The following ARID3B variants were observed in gnomAD, a reference collection of about 807,000 sequenced individuals.
ARID3B encodes AT-rich interaction domain 3B.
Under a neutral mutation model 51.9 loss-of-function variants are expected in ARID3B, and 10 were observed. The ratio of observed to expected loss-of-function variants is 0.19; its 90% CI spans 0.12 to 0.33. ARID3B has a LOEUF of 0.33. Among genes scored for constraint, ARID3B ranks in the 10% least tolerant of loss-of-function variants. The pLI is 1.00. For synonymous variants in ARID3B, 205 were observed against 279.5 expected (o/e 0.73, Z 2.66); for missense variants, 483 against 716.3 (o/e 0.67, Z 3.72).
intron 4 of ARID3B, chr15:74,574,972 A>AT (rs2141467562): frequency 6.7e-6 from 1 of 149,882 alleles, no homozygotes; most frequent in African/African-American, 2.5e-5. Flanking sequence ...ACTGCCCTCC[A>AT]TCCTGGCGAC....
chr15:74,551,448 A>G (rs556321951), intron 2 of ARID3B, among the ~76,000 whole-genome samples: 23 of 152,326 alleles, frequency 1.5e-4, no homozygotes, highest in African/African-American at 5.3e-4. Flanking sequence ...TAAATACACA[A>G]TCACTGACTT....
Position 74,593,071 on chromosome 15 carries a change from A to G in ARID3B, c.1421-67A>G, listed in dbSNP as rs1209721613. ...CTTTGACCAGGGGTGGCCAGGCAGC[A>G]TCAGAGAGGACAACAGGAGTGCTGT... On this transcript the variant is annotated intron_variant, in intron 7 of 8. Transcript: ENST00000346246. 3.4e-6 allele frequency: 5 copies of G among 1,449,494 alleles called. No homozygotes were observed. The African/African-American group carries it at 5.6e-5, about 16-fold the overall frequency. The allele number at this position is 1,449,494 out of a possible 1,614,324, so 89.8% of individuals were successfully genotyped here. A position where few individuals can be genotyped will look rare whatever the true frequency, so the allele number is the denominator to read the frequency against.
chr15:74,573,252 G>A (rs2061725624), intron 4 of ARID3B, 48 bp downstream of exon 4: 1 of 1,575,202 alleles, frequency 6.3e-7, no homozygotes, highest in Non-Finnish European at 8.7e-7. Context: ...TACTGATAGA[G>A]TGCCTACTGT....
chr15:74,593,379 A>C, intron 8 of ARID3B, 143 bp downstream of exon 8: 6 of 711,610 alleles, frequency 8.4e-6, no homozygotes, highest in Non-Finnish European at 1.4e-5. Flanking sequence ...TGCAAAGGTC[A>C]AGTGGTCCTC....
chr15:74,595,819 G>A lies in ARID3B; in HGVS notation c.*45G>A. The A allele has an allele frequency of 3.8e-6, 6 of 1,562,754 alleles. No homozygotes were observed. Among genetic ancestry groups the A allele is most frequent in the Non-Finnish European group, 5.2e-6 (6 of 1,154,166 alleles). On this transcript the variant is annotated 3_prime_UTR_variant, in exon 9 of 9. Transcript: ENST00000346246. ...CACTTGCCACTCTCCTGTCGAGAGT[G>A]AAGGAAGTTGATGCACAGAATTTAC...
chr15:74,595,101 A>ATTGGTGCG (rs2061819237), intron 8 of ARID3B, among the ~76,000 whole-genome samples: 1 of 152,162 alleles, frequency 6.6e-6, no homozygotes. Context: ...GCTGGAGTGC[A>ATTGGTGCG]TTGGTGCGGT....
chr15:74,594,173 G>C (rs1407174951), intron 8 of ARID3B, among the ~76,000 whole-genome samples: 1 of 152,196 alleles, frequency 6.6e-6, no homozygotes, highest in Admixed American at 6.5e-5. Context: ...GCATTGCTGG[G>C]CGCGGTGGCT....
chr15:74,590,894 G>A (rs1463294132), intron 5 of ARID3B, among the ~76,000 whole-genome samples: 1 of 152,128 alleles, frequency 6.6e-6, no homozygotes, highest in Non-Finnish European at 1.5e-5. Flanking sequence ...ATGTGAAAAC[G>A]CCAACTAAGA....
intron 4 of ARID3B, among the ~76,000 whole-genome samples, chr15:74,585,430 C>T (rs1335085257): frequency 6.6e-6 from 1 of 152,222 alleles, no homozygotes; most frequent in Non-Finnish European, 1.5e-5. Context: ...GCCAGGGGCC[C>T]TTCACAGAGA....
At chr15:74,581,435 T>C (rs1271582306) in intron 4 of ARID3B, among the ~76,000 whole-genome samples, 2 of 152,266 alleles carry the variant, frequency 1.3e-5, no homozygotes, top group African/African-American at 4.8e-5. Context: ...ATAAATGGTC[T>C]GTGCCCTGGA....
chr15:74,583,254 G>A (rs2061768432), intron 4 of ARID3B, among the ~76,000 whole-genome samples: 1 of 152,084 alleles, frequency 6.6e-6, no homozygotes, highest in Admixed American at 6.6e-5. Flanking sequence ...TCTCAGACCT[G>A]ATATTGAGCA....
chr15:74,581,502 G>T (rs756211031), intron 4 of ARID3B, among the ~76,000 whole-genome samples: 2 of 152,096 alleles, frequency 1.3e-5, no homozygotes, highest in Non-Finnish European at 2.9e-5. Flanking sequence ...AGGCTTTGGG[G>T]CTTCATTTTC....
At chr15:74,563,611 T>C (rs1181496490) in intron 2 of ARID3B, among the ~76,000 whole-genome samples, 3 of 152,178 alleles carry the variant, frequency 2.0e-5, no homozygotes, top group Non-Finnish European at 2.9e-5. Context: ...ACTCTGACTT[T>C]GTGCAACTCT....
rs2141482551 is a variant in ARID3B at position 74,594,017 on chromosome 15, T to G, written c.1519+781T>G. ...GTGATTGTACCACTGCATTCCAGCC[T>G]GAGTGACAAAGCAAGACCTTGTCTC... On this transcript the variant is annotated intron_variant, in intron 8 of 8. Coordinates refer to ENST00000346246, the MANE Select transcript of ARID3B (RefSeq NM_006465.4). 1.3e-5 allele frequency among the ~76,000 whole-genome samples: 2 copies of G among 151,464 alleles called. 1 individual carries two copies. The highest frequency in any genetic ancestry group is 4.2e-4 in the South Asian group (2 of 4,794).
chr15:74,546,174 A>G (rs766846428), intron 2 of ARID3B, among the ~76,000 whole-genome samples: 5 of 152,234 alleles, frequency 3.3e-5, no homozygotes, highest in Non-Finnish European at 7.3e-5. Context: ...CCACGACAGC[A>G]GCACCCTGGC....
At chr15:74,586,320 GTGACCCTTCCT>G (rs1440073955) in intron 4 of ARID3B, among the ~76,000 whole-genome samples, 3 of 152,210 alleles carry the variant, frequency 2.0e-5, no homozygotes, top group Non-Finnish European at 2.9e-5. Context: ...AGACACCACT[GTGACCCTTCCT>G]TGTCTCCTCA....
At position 74,591,209 on chromosome 15, in the gene ARID3B, G is replaced by C. The variant is rs1195324733; in HGVS notation, c.940G>C (p.Glu314Gln). 2 of 1,613,396 alleles carry C rather than the reference G, an allele frequency of 1.2e-6. No individual in the cohort carries two copies. The highest frequency in any genetic ancestry group is 1.7e-4 in the Middle Eastern group (1 of 6,052). ...GAAGAAAGCCTTGAGTTCCCCAGCCGAGCTCCAGGCAGCAATTGATGGCAA... is the reference window on the plus strand; with the variant it reads ...GAAGAAAGCCTTGAGTTCCCCAGCCCAGCTCCAGGCAGCAATTGATGGCAA... ...CEKKALSSPA[E>Q]LQAAIDGNRR... The change falls in exon 6 of 9, where the codon GAG becomes CAG. Residue 314 changes from glutamate (E) to glutamine (Q), a missense_variant. Physicochemically the swap from Glu to Gln is conservative, Grantham distance 29 (BLOSUM62 2). Around this residue, in one of 3 missense-constraint regions of ARID3B, gnomAD observed 265 missense variants for 354.4 expected, o/e 0.75. Transcript: ENST00000346246. The surrounding 1 kb of genome is among the most constrained non-coding windows in gnomAD (Gnocchi z 5.8).
intron 2 of ARID3B, among the ~76,000 whole-genome samples, chr15:74,571,721 A>G (rs544673730): frequency 2.5e-4 from 38 of 152,362 alleles, no homozygotes; most frequent in African/African-American, 8.4e-4. Flanking sequence ...TAATATGTTA[A>G]AATCTAAGCT....
intron 4 of ARID3B, among the ~76,000 whole-genome samples, chr15:74,586,390 A>AAT (rs1260246742): frequency 2.6e-5 from 4 of 152,338 alleles, no homozygotes; most frequent in Admixed American, 2.6e-4. Context: ...TTCTCAGTCT[A>AAT]ATATAATACA....
Sources: gnomAD v4.1 joint callset for allele counts (sites outside exome capture counted in the v4.1 genomes callset) on GRCh38, gnomAD v4.1.1 for gene constraint, gnomAD v4.1.1 regional missense constraint, Gnocchi (gnomAD v3.1) non-coding constraint, MANE v1.5 for transcripts, NCBI Gene and HGNC (gene_info 2026-07-23, HGNC 2026-07-21) for gene names.